Variants in DNAJA3 observed in about 807,000 individuals in gnomAD.
The protein encoded by DNAJA3 is DnaJ heat shock protein family (Hsp40) member A3.
In DNAJA3, 29 loss-of-function variants were observed where a neutral mutation model predicts 54.9. That is an observed-to-expected ratio of 0.53 (90% CI 0.39 to 0.72). The LOEUF (loss-of-function observed/expected upper bound fraction) is 0.72, where lower values mean the gene tolerates loss of function less well. DNAJA3 is among the 30% of genes least tolerant of loss of function. The probability of loss-of-function intolerance (pLI) is 0.00; values close to 1 mark genes in which losing one functional copy is unlikely to be tolerated. For missense variants in DNAJA3, 708 were observed against 639.4 expected (o/e 1.11, Z -1.16); for synonymous variants, 302 against 251.4 (o/e 1.20, Z -1.90).
At chr16:4,452,315 A>G (rs1596372461) in intron 10 of DNAJA3, among the ~76,000 whole-genome samples, 1 of 152,188 alleles carries the variant, frequency 6.6e-6, no homozygotes, top group East Asian at 1.9e-4. Context: ...GATTGGTTCC[A>G]TAGACAGCTG....
chr16:4,433,527 T>G (rs188650243), intron 1 of DNAJA3: 3 of 152,364 alleles, frequency 2.0e-5, no homozygotes, highest in African/African-American at 4.8e-5. Context: ...GAGTAGGGCT[T>G]GAACATCTGT....
intron 1 of DNAJA3, among the ~76,000 whole-genome samples, chr16:4,428,419 C>G (rs1042286530): frequency 1.3e-5 from 2 of 152,190 alleles, no homozygotes; most frequent in Non-Finnish European, 2.9e-5. Flanking sequence ...AGCTTGCTAA[C>G]ATTTTCTAAT....
intron 1 of DNAJA3, chr16:4,426,936 GA>G (rs1390463680): frequency 6.9e-6 from 1 of 144,338 alleles, no homozygotes; most frequent in Admixed American, 7.0e-5. Context: ...TTTTTTTTTT[GA>G]AACTGAATCT....
intron 2 of DNAJA3, among the ~76,000 whole-genome samples, chr16:4,435,664 T>C (rs776593688): frequency 3.3e-5 from 5 of 152,242 alleles, no homozygotes; most frequent in Non-Finnish European, 7.3e-5. Context: ...GTGTCAATAC[T>C]TCATCCCTTT....
intron 7 of DNAJA3, among the ~76,000 whole-genome samples, chr16:4,445,692 C>T (rs1486813098): frequency 1.3e-5 from 2 of 152,092 alleles, no homozygotes; most frequent in East Asian, 1.9e-4. Flanking sequence ...GCTGGGACTA[C>T]AGGCACACGC....
intron 1 of DNAJA3, chr16:4,434,052 G>C (rs900898146): frequency 3.4e-6 from 1 of 291,494 alleles, no homozygotes; most frequent in African/African-American, 2.3e-5. Flanking sequence ...TGGCGGAAGG[G>C]GAAGCAAACA....
chr16:4,451,347 T>G (rs1399052074), intron 10 of DNAJA3, among the ~76,000 whole-genome samples: 2 of 152,114 alleles, frequency 1.3e-5, no homozygotes, highest in African/African-American at 4.8e-5. Flanking sequence ...GGGGGCCGAT[T>G]TTCCAATAAA....
At chr16:4,453,855 C>A (rs907397297) in intron 10 of DNAJA3, among the ~76,000 whole-genome samples, 1 of 152,178 alleles carries the variant, frequency 6.6e-6, no homozygotes, top group Non-Finnish European at 1.5e-5. Context: ...TAGACTGAGG[C>A]CTTTACTCTT....
chr16:4,442,388 C>G lies in DNAJA3; in HGVS notation c.751C>G (p.Gln251Glu). ...GKGNEPGTKV[Q>E]HCHYCGGSGM... ...GGGGAACGAGCCCGGCACCAAGGTG[C>G]AGCATTGCCACTACTGTGGCGGCTC... Residue 251 changes from glutamine (Q) to glutamate (E), a missense_variant, in exon 5 of 12, where the codon CAG (glutamine) becomes GAG (glutamate). Physicochemically the swap from Gln to Glu is conservative, Grantham distance 29 (BLOSUM62 2). Transcript: ENST00000262375. 1 of 1,607,884 alleles carries G rather than the reference C, an allele frequency of 6.2e-7. No homozygotes were observed. The highest frequency in any genetic ancestry group is 8.5e-7 in the Non-Finnish European group (1 of 1,176,854).
At position 4,425,904 on chromosome 16, in the gene DNAJA3, G is replaced by A. The variant is rs202141965; in HGVS notation, c.23G>A (p.Arg8His). 6.3e-4 allele frequency: 973 copies of A among 1,543,510 alleles called. 6 individuals are homozygous for A. In the African/African-American group the frequency reaches 0.012, roughly 19 times the overall value. Residue 8 changes from arginine to histidine, a missense_variant, in exon 1 of 12, where the codon CGC (arginine) becomes CAC (histidine). By Grantham distance (29) the Arg-to-His change is conservative (BLOSUM62 0). Coordinates refer to ENST00000262375, the MANE Select transcript of DNAJA3 (RefSeq NM_005147.6). MAARCST[R>H]WLLVVVGTPR... is the part of the protein sequence containing the mutation. ...AAGATGGCTGCGCGGTGCTCCACAC[G>A]CTGGTTGCTGGTGGTTGTGGGGACC...
intron 2 of DNAJA3, 149 bp from the exon 3 acceptor site, chr16:4,437,253 G>A (rs374734992): frequency 4.4e-6 from 3 of 680,430 alleles, no homozygotes; most frequent in African/African-American, 3.6e-5. Flanking sequence ...TTACAGGCGT[G>A]AGCCACTGCA....
At chr16:4,433,004 T>G (rs1466120555) in intron 1 of DNAJA3, among the ~76,000 whole-genome samples, 1 of 151,742 alleles carries the variant, frequency 6.6e-6, no homozygotes, top group Non-Finnish European at 1.5e-5. Flanking sequence ...TAGCCGAGTG[T>G]GGTGGCAGGC....
At position 4,451,946 on chromosome 16, in the gene DNAJA3, C is replaced by T. The variant is rs1057176964; in HGVS notation, c.1339+1449C>T. Among the ~76,000 whole-genome samples, 35 of 147,708 alleles carry T rather than the reference C, an allele frequency of 2.4e-4. No homozygotes were observed. In the Middle Eastern group the frequency reaches 0.011, roughly 48 times the overall value. On this transcript the variant is annotated intron_variant, in intron 10 of 11. Transcript: ENST00000262375. ...CTAGCGGGGCATGGTGGTGGGCATCCATAATCCCAGCTACTCTGGAGGCTG... is the reference window on the plus strand; with the variant it reads ...CTAGCGGGGCATGGTGGTGGGCATCTATAATCCCAGCTACTCTGGAGGCTG...
chr16:4,441,079 C>T (rs2056830996), intron 3 of DNAJA3: 10 of 470,380 alleles, frequency 2.1e-5, no homozygotes, highest in Non-Finnish European at 3.8e-5. Flanking sequence ...TGTGAAGAAT[C>T]CAGGGTGCCT....
intron 5 of DNAJA3, chr16:4,442,631 G>A (rs537402322): frequency 5.0e-5 from 28 of 561,780 alleles, no homozygotes; most frequent in East Asian, 2.2e-4. Context: ...CAGCAGCTCC[G>A]GGGGCGGGGC....
At chr16:4,451,634 G>A (rs1716933648) in intron 10 of DNAJA3, among the ~76,000 whole-genome samples, 1 of 150,518 alleles carries the variant, frequency 6.6e-6, no homozygotes, top group Non-Finnish European at 1.5e-5. Flanking sequence ...GTGCATGCCT[G>A]TAATCTCAGC....
At chr16:4,432,412 G>A (rs987231616) in intron 1 of DNAJA3, among the ~76,000 whole-genome samples, 1 of 148,668 alleles carries the variant, frequency 6.7e-6, no homozygotes, top group Admixed American at 6.8e-5. Context: ...GCGCGATCTT[G>A]GCTCACTGCA....
rs140142159 is a variant in DNAJA3 at position 4,437,538 on chromosome 16, C to CG, written c.429+53_429+54insG. 12,954 of 1,509,468 alleles carry CG rather than the reference C, an allele frequency of 8.6e-3. 804 individuals carry two copies. In the African/African-American group the frequency reaches 0.14, roughly 17 times the overall value. The allele number at this position is 1,509,468 out of a possible 1,614,324, so 93.5% of individuals were successfully genotyped here. A position where few individuals can be genotyped will look rare whatever the true frequency, so the allele number is the denominator to read the frequency against. On this transcript the variant is annotated intron_variant, in intron 3 of 11. Transcript: ENST00000262375. ...CTGCTGTTCAGCTATGTGTATGAAT[C>CG]AAAGGTTGCATTGCTACCTGGGACA...
rs1208663391 is a variant in DNAJA3, at chr16:4,434,486, G to T, written c.314G>T (p.Ser105Ile). The T allele has an allele frequency of 1.2e-6, 2 of 1,613,286 alleles. No homozygotes were observed. Among genetic ancestry groups the T allele is most frequent in the African/African-American group, 2.7e-5 (2 of 74,864 alleles). ...YQILGVPRNA[S>I]QKEIKKAYYQ... is the part of the protein sequence containing the mutation. ...ATATTAGGAGTGCCTCGAAATGCCAGCCAGAAAGAGATCAAGAAAGCCTAT... is the reference window on the plus strand; with the variant it reads ...ATATTAGGAGTGCCTCGAAATGCCATCCAGAAAGAGATCAAGAAAGCCTAT... The change falls in exon 2 of 12, where the codon AGC becomes ATC. Residue 105 changes from serine (S) to isoleucine (I), a missense_variant. Coordinates refer to ENST00000262375, the MANE Select transcript of DNAJA3 (RefSeq NM_005147.6).
Sources: allele counts gnomAD v4.1 joint callset (sites outside exome capture counted in the v4.1 genomes callset), GRCh38; gene constraint gnomAD v4.1.1; transcripts MANE v1.5; gene names NCBI Gene and HGNC (gene_info 2026-07-23, HGNC 2026-07-21).